The following COL25A1 variants were observed in gnomAD, a reference collection of about 807,000 sequenced individuals.
The protein encoded by COL25A1 is collagen type XXV alpha 1 chain, also known as collagen alpha-1(XXV) chain.
In COL25A1, 103 loss-of-function variants were observed where a neutral mutation model predicts 128.4. The ratio of observed to expected loss-of-function variants is 0.80; its 90% CI spans 0.68 to 0.94. COL25A1 has a LOEUF of 0.94. Ranked by LOEUF, COL25A1 falls within the 40% of genes least tolerant of loss-of-function variation. The probability of loss-of-function intolerance (pLI) is 0.00; values close to 1 mark genes in which losing one functional copy is unlikely to be tolerated. For missense variants in COL25A1, 745 were observed against 840.0 expected (o/e 0.89, Z 1.40); for synonymous variants, 279 against 277.2 (o/e 1.01, Z -0.06).
At chr4:108,982,340 G>A (rs1189568949) in intron 6 of COL25A1, among the ~76,000 whole-genome samples, 3 of 152,126 alleles carry the variant, frequency 2.0e-5, no homozygotes, top group Non-Finnish European at 4.4e-5. Flanking sequence ...TATCGTTAAG[G>A]AACTATTACC....
chr4:109,147,380 G>C (rs1178229826), intron 3 of COL25A1, among the ~76,000 whole-genome samples: 2 of 152,130 alleles, frequency 1.3e-5, no homozygotes, highest in African/African-American at 4.8e-5. Context: ...ACAACCCTAA[G>C]GGAATCGCTC....
chr4:108,837,459 A>G (rs1268795225), intron 31 of COL25A1, among the ~76,000 whole-genome samples: 1 of 152,210 alleles, frequency 6.6e-6, no homozygotes, highest in Admixed American at 6.5e-5. Flanking sequence ...GGCTGACATA[A>G]AGAAAATGAA....
chr4:108,857,648 A>G (rs1251987543), intron 24 of COL25A1, among the ~76,000 whole-genome samples: 1 of 152,180 alleles, frequency 6.6e-6, no homozygotes, highest in African/African-American at 2.4e-5. Flanking sequence ...CAGATCTGTC[A>G]TAATTAGATT....
intron 8 of COL25A1, among the ~76,000 whole-genome samples, chr4:108,950,210 A>G (rs1048804545): frequency 6.6e-6 from 1 of 152,192 alleles, no homozygotes; most frequent in Non-Finnish European, 1.5e-5. Flanking sequence ...ATTTCTAGCA[A>G]TGAAAAATAC....
At chr4:108,859,606 C>T in intron 24 of COL25A1, 50 bp downstream of exon 24, 1 of 1,508,014 alleles carries the variant, frequency 6.6e-7, no homozygotes, top group African/African-American at 1.4e-5. Flanking sequence ...TACATGGGTG[C>T]TCCTCAGCAT....
At chr4:108,891,183 C>T (rs1050534820) in intron 16 of COL25A1, among the ~76,000 whole-genome samples, 1 of 151,908 alleles carries the variant, frequency 6.6e-6, no homozygotes, top group African/African-American at 2.4e-5. Context: ...TGTCAAGGAT[C>T]AAAATGTAAA....
chr4:108,876,481 A>G (rs904784959), intron 19 of COL25A1, among the ~76,000 whole-genome samples: 2 of 152,058 alleles, frequency 1.3e-5, no homozygotes, highest in Non-Finnish European at 2.9e-5. Flanking sequence ...GTGTCCTGGA[A>G]ATCTCCAACT....
intron 3 of COL25A1, among the ~76,000 whole-genome samples, chr4:109,123,209 C>T (rs1768270303): frequency 6.6e-6 from 1 of 151,626 alleles, no homozygotes; most frequent in South Asian, 2.1e-4. Flanking sequence ...TCTCTGACAA[C>T]AAGAACTTTA....
At position 108,957,345 on chromosome 4, in the gene COL25A1, A is replaced by T. The variant is rs552568163; in HGVS notation, c.493-15908T>A. Reference sequence around the variant, plus strand: ...AAACTGAAGGGAGAGCACAGAGCAGAACCACCACCACCACCACATGGTGTA... The same window carrying T: ...AAACTGAAGGGAGAGCACAGAGCAGTACCACCACCACCACCACATGGTGTA... On this transcript the variant is annotated intron_variant, in intron 8 of 37. Transcript: ENST00000399132. 1.2e-4 allele frequency among the ~76,000 whole-genome samples: 19 copies of T among 152,154 alleles called. No homozygotes were observed. In the East Asian group the frequency reaches 3.7e-3, roughly 29 times the overall value.
At chr4:109,197,482 T>TATATAA (rs1776206054) in intron 3 of COL25A1, among the ~76,000 whole-genome samples, 2 of 126,128 alleles carry the variant, frequency 1.6e-5, no homozygotes, top group Admixed American at 9.7e-5. Flanking sequence ...ATATATATTA[T>TATATAA]ATATTATATA....
chr4:108,846,569 G>A (rs780071943), intron 27 of COL25A1, among the ~76,000 whole-genome samples: 9 of 152,080 alleles, frequency 5.9e-5, no homozygotes, highest in African/African-American at 2.2e-4. Flanking sequence ...AACAATACAG[G>A]ATGTATTTTG....
chr4:109,270,789 C>T (rs1224368950), intron 3 of COL25A1, among the ~76,000 whole-genome samples: 1 of 152,022 alleles, frequency 6.6e-6, no homozygotes, highest in African/African-American at 2.4e-5. Context: ...GTGTTAGGCA[C>T]CTGGAAAACC....
At chr4:109,036,792 A>C (rs1759403731) in intron 5 of COL25A1, among the ~76,000 whole-genome samples, 1 of 152,198 alleles carries the variant, frequency 6.6e-6, no homozygotes, top group African/African-American at 2.4e-5. Context: ...GAAGGGTGAT[A>C]AATTATCCAG....
rs752075938 is a variant in COL25A1 at position 109,300,628 on chromosome 4, T to A, written c.322A>T (p.Ile108Leu). The part of the protein sequence containing the change: ...AQKSYEHMAK[I>L]RIAREAPSEC... ...GAAGGTGCTTCTCTTGCGATTCTTA[T>A]TTTAGCCATATGTTCATAGGATTTC... Residue 108 changes from isoleucine (I) to leucine (L), a missense_variant, in exon 3 of 38, where the codon ATA becomes TTA. By Grantham distance (5) the Ile-to-Leu change is conservative (BLOSUM62 2). Coordinates refer to ENST00000399132, the MANE Select transcript of COL25A1 (RefSeq NM_198721.4). 2 of 1,611,474 alleles carry A rather than the reference T, an allele frequency of 1.2e-6. No homozygotes were observed. The highest frequency in any genetic ancestry group is 1.7e-6 in the Non-Finnish European group (2 of 1,177,570).
At chr4:109,047,251 G>A (rs936371071) in intron 5 of COL25A1, among the ~76,000 whole-genome samples, 2 of 152,182 alleles carry the variant, frequency 1.3e-5, no homozygotes, top group African/African-American at 4.8e-5. Flanking sequence ...GAAAAAAGAA[G>A]TGTGAAATAG....
intron 3 of COL25A1, among the ~76,000 whole-genome samples, chr4:109,261,805 C>A (rs982388642): frequency 6.6e-6 from 1 of 151,670 alleles, no homozygotes; most frequent in African/African-American, 2.4e-5. Flanking sequence ...TCACGCCATT[C>A]TCCTGCCTCA....
chr4:109,144,240 A>C (rs1770717736), intron 3 of COL25A1, among the ~76,000 whole-genome samples: 2 of 152,196 alleles, frequency 1.3e-5, no homozygotes, highest in Admixed American at 1.3e-4. Flanking sequence ...AGAACAGCAA[A>C]GATTGCTGCC....
At chr4:109,072,341 G>A (rs1162518737) in intron 3 of COL25A1, among the ~76,000 whole-genome samples, 1 of 152,062 alleles carries the variant, frequency 6.6e-6, no homozygotes, top group African/African-American at 2.4e-5. Context: ...TAATTAGGTT[G>A]AACATTTTTT....
chr4:109,201,144 G>C (rs1776524020), intron 3 of COL25A1, among the ~76,000 whole-genome samples: 1 of 151,972 alleles, frequency 6.6e-6, no homozygotes, highest in Non-Finnish European at 1.5e-5. Flanking sequence ...TCCTATCTCT[G>C]TTCAGTACTA....
Sources: gnomAD v4.1 joint callset for allele counts (sites outside exome capture counted in the v4.1 genomes callset) on GRCh38, gnomAD v4.1.1 for gene constraint, MANE v1.5 for transcripts, NCBI Gene and HGNC (gene_info 2026-07-23, HGNC 2026-07-21) for gene names.